Variants in NSD2 observed in about 807,000 individuals in gnomAD.
NSD2 encodes the protein histone-lysine N-methyltransferase NSD2.
NSD2 carries 12 observed loss-of-function variants against 139.0 expected under a neutral mutation model. The observed-to-expected ratio is 0.09, with a 90% CI of 0.06 to 0.14. The LOEUF (loss-of-function observed/expected upper bound fraction) is 0.14. NSD2 is among the 10% of genes least tolerant of loss of function. The probability of loss-of-function intolerance (pLI) is 1.00; values close to 1 mark genes in which losing one functional copy is unlikely to be tolerated. For missense variants in NSD2, 1,155 were observed against 1,745.0 expected, an observed-to-expected ratio of 0.66 and a Z score of 6.02; for synonymous variants, 669 against 648.7, an observed-to-expected ratio of 1.03 and a Z score of -0.48.
rs376225140 is a variant in NSD2, at chr4:1,942,306, A to T, written c.1881+2528A>T. The T allele has an allele frequency of 3.3e-4, 532 of 1,610,354 alleles. 6 individuals are homozygous for T. In the South Asian group the frequency reaches 4.0e-3, roughly 12 times the overall value. ...CATTTTTTATTCCTTTAGTAGAGCA[A>T]ATTCTTATTTTTTTCGCCTTCACTG... On this transcript the variant is annotated intron_variant, in intron 9 of 21. Transcript: ENST00000508803. The surrounding 1 kb of genome is among the most constrained non-coding windows in gnomAD (Gnocchi z 4.0).
chr4:1,922,737 C>T (rs1159043541), intron 5 of NSD2, among the ~76,000 whole-genome samples: 1 of 151,982 alleles, frequency 6.6e-6, no homozygotes, highest in Non-Finnish European at 1.5e-5. Context: ...ACTAGCCTGG[C>T]CAACATGATG....
At chr4:1,947,779 ATTG>A (rs1427432326) in intron 9 of NSD2, 2 of 1,048,458 alleles carry the variant, frequency 1.9e-6, no homozygotes, top group Admixed American at 1.1e-4. Context: ...AGAAATATTT[ATTG>A]TTCAAGGTCT....
chr4:1,950,133 C>T (rs1724056254), intron 9 of NSD2, among the ~76,000 whole-genome samples: 1 of 152,184 alleles, frequency 6.6e-6, no homozygotes, highest in African/African-American at 2.4e-5. Context: ...ATTTTTTAAA[C>T]ACTTGATTTG....
chr4:1,937,198 C>T (rs1466941666), intron 7 of NSD2, among the ~76,000 whole-genome samples: 2 of 151,940 alleles, frequency 1.3e-5, no homozygotes, highest in Admixed American at 6.6e-5. Flanking sequence ...ATTACAGGTG[C>T]GTGCCACCAT....
chr4:1,970,692 G>C (rs1269786556), intron 18 of NSD2, among the ~76,000 whole-genome samples: 1 of 152,206 alleles, frequency 6.6e-6, no homozygotes, highest in Non-Finnish European at 1.5e-5. Context: ...TGAAGATAAT[G>C]CTACTGATGA....
chr4:1,974,600 T>C lies in NSD2; in HGVS notation c.3373-263T>C. ...CTCCCTTGTTTGCCATCATGGAGGA[T>C]GCTGGGAGCTCCAGCTCCCTGTCCT... is the stretch of plus-strand genomic sequence containing the variant. On this transcript the variant is annotated intron_variant, in intron 18 of 21. Transcript: ENST00000508803. This position sits in a 1 kb window ranked among gnomAD's most constrained non-coding sequence, Gnocchi z 4.0. 1.7e-6 allele frequency: 1 copy of C among 600,202 alleles called. No individual in the cohort carries two copies. Among genetic ancestry groups the C allele is most frequent in the Non-Finnish European group, 3.1e-6 (1 of 323,188 alleles). The allele number at this position is 600,202 out of a possible 1,614,324, so 37.2% of individuals were successfully genotyped here.
intron 1 of NSD2, among the ~76,000 whole-genome samples, chr4:1,886,804 A>T (rs886515708): frequency 2.6e-5 from 4 of 152,172 alleles, no homozygotes; most frequent in African/African-American, 7.2e-5. Flanking sequence ...GCGCCACTGC[A>T]CTTGAGCCTT....
chr4:1,931,139 T>A (rs1721586546), intron 6 of NSD2, among the ~76,000 whole-genome samples: 1 of 152,148 alleles, frequency 6.6e-6, no homozygotes, highest in South Asian at 2.1e-4. Context: ...AGGGTCAGCC[T>A]TCAGGCCTGT....
At chr4:1,876,320 A>T (rs1024083745) in intron 1 of NSD2, among the ~76,000 whole-genome samples, 2 of 152,198 alleles carry the variant, frequency 1.3e-5, no homozygotes, top group Non-Finnish European at 2.9e-5. Context: ...ACTTTCTGTA[A>T]TACTTAGTGG....
intron 9 of NSD2, chr4:1,941,960 G>A: frequency 9.2e-7 from 1 of 1,087,662 alleles, no homozygotes; most frequent in Non-Finnish European, 1.1e-6. Flanking sequence ...TATGAGTTAG[G>A]TGACCATGAG....
chr4:1,882,365 G>A (rs1380138250), intron 1 of NSD2, among the ~76,000 whole-genome samples: 1 of 152,154 alleles, frequency 6.6e-6, no homozygotes, highest in Non-Finnish European at 1.5e-5. Flanking sequence ...TGTACTATGG[G>A]CAAGAAAGAA....
At chr4:1,978,368 G>A (rs1030607679) in intron 21 of NSD2, among the ~76,000 whole-genome samples, 1 of 152,168 alleles carries the variant, frequency 6.6e-6, no homozygotes, top group Non-Finnish European at 1.5e-5. Flanking sequence ...GGACACTCCT[G>A]CACCCGGCAC....
Position 1,939,940 on chromosome 4 carries a change from G to A in NSD2, c.1881+162G>A, listed in dbSNP as rs189946613. The A allele has an allele frequency of 2.4e-3, 3,556 of 1,483,812 alleles. 83 individuals are homozygous for A. The South Asian group carries it at 0.034, about 14-fold the overall frequency. 91.9% of individuals were successfully genotyped at this position (1,483,812 alleles called of 1,614,324 possible). ...CTTGGCTAACTCAGATTCATGAAAT[G>A]GACAAACAGTGCACTATGTTAGTTT... On this transcript the variant is annotated intron_variant, in intron 9 of 21. Transcript: ENST00000508803.
chr4:1,962,511 CA>C (rs1725471128), intron 18 of NSD2, among the ~76,000 whole-genome samples: 1 of 152,052 alleles, frequency 6.6e-6, no homozygotes, highest in South Asian at 2.1e-4. Context: ...AACTTACTTT[CA>C]AAGGATCGGG....
intron 18 of NSD2, among the ~76,000 whole-genome samples, chr4:1,971,081 G>A (rs1009388105): frequency 2.0e-5 from 3 of 152,228 alleles, no homozygotes; most frequent in East Asian, 1.9e-4. Context: ...TGGGCAGGCC[G>A]GGTGCAGTGG....
At chr4:1,969,787 C>T (rs1448644514) in intron 18 of NSD2, among the ~76,000 whole-genome samples, 1 of 152,114 alleles carries the variant, frequency 6.6e-6, no homozygotes, top group Non-Finnish European at 1.5e-5. Flanking sequence ...AAATTTTTAT[C>T]ACAAAGTAGA....
chr4:1,890,926 C>T (rs1715483098), intron 1 of NSD2, among the ~76,000 whole-genome samples: 1 of 151,658 alleles, frequency 6.6e-6, no homozygotes, highest in Non-Finnish European at 1.5e-5. Context: ...CAAGGTCTCA[C>T]TCTGTCACCC....
At chr4:1,940,865 G>A (rs1343534232) in intron 9 of NSD2, 3 of 1,057,372 alleles carry the variant, frequency 2.8e-6, no homozygotes, top group African/African-American at 1.7e-5. Flanking sequence ...CCTGGGCGGG[G>A]CTCATAGAGC....
In NSD2 at chr4:1,974,303, C is replaced by T. The variant is rs146531559; in HGVS notation, c.3373-560C>T. 2.4e-3 allele frequency among the ~76,000 whole-genome samples: 364 copies of T among 152,094 alleles called. 2 individuals carry two copies. Among genetic ancestry groups the T allele is most frequent in the African/African-American group, 8.1e-3 (337 of 41,494 alleles). ...TCCACTCTCTGTAACCTCCGCCTCC[C>T]GGGTTCAAGTGATTCTCCTGCCTCA... On this transcript the variant is annotated intron_variant, in intron 18 of 21. Coordinates refer to ENST00000508803, the MANE Select transcript of NSD2 (RefSeq NM_001042424.3). The surrounding 1 kb of genome is among the most constrained non-coding windows in gnomAD (Gnocchi z 4.0).
Sources: gnomAD v4.1 joint callset for allele counts (sites outside exome capture counted in the v4.1 genomes callset) on GRCh38, gnomAD v4.1.1 for gene constraint, Gnocchi (gnomAD v3.1) non-coding constraint, MANE v1.5 for transcripts, NCBI Gene and HGNC (gene_info 2026-07-23, HGNC 2026-07-21) for gene names.